Variants in C12orf56 observed in about 807,000 individuals in gnomAD.
The protein encoded by C12orf56 is uncharacterized protein C12orf56.
In C12orf56, 71 loss-of-function variants were observed where a neutral mutation model predicts 69.9. The observed-to-expected ratio is 1.02, with a 90% confidence interval of 0.84 to 1.24. The LOEUF (loss-of-function observed/expected upper bound fraction) is 1.24. Among genes scored for constraint, C12orf56 ranks in the 50% most tolerant of loss-of-function variants. The pLI, the probability that C12orf56 is intolerant of heterozygous loss-of-function variation, is 0.00. For missense variants in C12orf56, 732 were observed against 738.5 expected, an observed-to-expected ratio of 0.99 and a Z score of 0.10; for synonymous variants, 276 against 274.1, an observed-to-expected ratio of 1.01 and a Z score of -0.07.
chr12:64,306,085 T>G (rs570417619), intron 5 of C12orf56, among the ~76,000 whole-genome samples: 15 of 152,260 alleles, frequency 9.9e-5, no homozygotes, highest in Non-Finnish European at 1.8e-4. Flanking sequence ...CAAAAAAATT[T>G]TCACAGAAAA....
At chr12:64,382,783 G>C (rs1468399386) in intron 1 of C12orf56, among the ~76,000 whole-genome samples, 2 of 149,520 alleles carry the variant, frequency 1.3e-5, no homozygotes, top group Admixed American at 1.4e-4. Flanking sequence ...TGGGGCAGGC[G>C]AATGGTGTGA....
chr12:64,335,417 C>CAA (rs59759648), intron 2 of C12orf56, among the ~76,000 whole-genome samples: 6 of 98,298 alleles, frequency 6.1e-5, no homozygotes, highest in African/African-American at 2.0e-4. Context: ...ACTTCATCTC[C>CAA]AAAAAAAAAA....
intron 4 of C12orf56, among the ~76,000 whole-genome samples, chr12:64,317,329 G>A (rs2038701870): frequency 1.3e-5 from 2 of 152,056 alleles, no homozygotes; most frequent in South Asian, 4.2e-4. Flanking sequence ...TAAAAATTAT[G>A]TACTACTGAA....
intron 2 of C12orf56, among the ~76,000 whole-genome samples, chr12:64,351,888 T>C (rs942554860): frequency 6.8e-6 from 1 of 147,248 alleles, no homozygotes; most frequent in Admixed American, 6.8e-5. Context: ...AAAAGCCACT[T>C]TCTTTCCTCT....
chr12:64,344,567 T>A (rs577564705), intron 2 of C12orf56, among the ~76,000 whole-genome samples: 6 of 152,198 alleles, frequency 3.9e-5, no homozygotes, highest in Non-Finnish European at 8.8e-5. Context: ...GTGCTGCCAC[T>A]TGGCCACTGC....
chr12:64,335,417 CAAAAAAAAAAA>C (rs59759648), intron 2 of C12orf56, among the ~76,000 whole-genome samples: 1 of 98,308 alleles, frequency 1.0e-5, no homozygotes, highest in Non-Finnish European at 2.0e-5. Context: ...ACTTCATCTC[CAAAAAAAAAAA>C]AAAAAAAAAA....
At chr12:64,356,191 A>C (rs1008801833) in intron 1 of C12orf56, among the ~76,000 whole-genome samples, 3 of 151,852 alleles carry the variant, frequency 2.0e-5, no homozygotes, top group Admixed American at 1.3e-4. Flanking sequence ...AAAAAAAAAA[A>C]AAAAAAAACC....
chr12:64,315,968 T>A (rs1247207053), intron 4 of C12orf56, among the ~76,000 whole-genome samples: 1 of 151,326 alleles, frequency 6.6e-6, no homozygotes, highest in African/African-American at 2.4e-5. Context: ...ATTGAACTAG[T>A]AGCTTATTGT....
chr12:64,269,978 C>T (rs1042444123), intron 12 of C12orf56, among the ~76,000 whole-genome samples: 2 of 152,174 alleles, frequency 1.3e-5, no homozygotes, highest in African/African-American at 4.8e-5. Context: ...AGTGACAAAC[C>T]GTTCTTCAAA....
At chr12:64,280,452 G>A (rs1001189899) in intron 8 of C12orf56, among the ~76,000 whole-genome samples, 11 of 152,138 alleles carry the variant, frequency 7.2e-5, no homozygotes, top group African/African-American at 2.7e-4. Context: ...ATGTTATTGT[G>A]GTGGGCAGAA....
Position 64,267,109 on chromosome 12 carries a change from G to A in C12orf56, c.*74C>T. 1 of 1,128,080 alleles carries A rather than the reference G, an allele frequency of 8.9e-7. No individual in the cohort carries two copies. The allele number at this position is 1,128,080 out of a possible 1,614,324, so 69.9% of individuals were successfully genotyped here. ...CCAGATATTAAACAAATAAAAAAATGTTTCTCGTGAATATCAAGTTGACTC... is the reference window on the plus strand; with the variant it reads ...CCAGATATTAAACAAATAAAAAAATATTTCTCGTGAATATCAAGTTGACTC... On this transcript the variant is annotated 3_prime_UTR_variant, in exon 13 of 13. Coordinates refer to ENST00000543942, the MANE Select transcript of C12orf56 (RefSeq NM_001170633.2).
intron 4 of C12orf56, among the ~76,000 whole-genome samples, chr12:64,314,340 C>T (rs945786949): frequency 2.6e-5 from 4 of 152,184 alleles, no homozygotes; most frequent in African/African-American, 9.6e-5. Context: ...CGATCCTCCC[C>T]TCTGAACCTC....
intron 9 of C12orf56, among the ~76,000 whole-genome samples, 176 bp from the exon 10 acceptor site, chr12:64,275,548 A>G (rs2038040508): frequency 6.6e-6 from 1 of 152,164 alleles, no homozygotes; most frequent in African/African-American, 2.4e-5. Flanking sequence ...TGCAGCCTCA[A>G]ACTCCTGGGC....
intron 1 of C12orf56, among the ~76,000 whole-genome samples, chr12:64,369,534 T>C (rs73311902): frequency 0.18 from 27,185 of 152,148 alleles, 3,003 homozygotes; most frequent in East Asian, 0.36. Context: ...CTTTTTATCT[T>C]CTATCTAATT....
chr12:64,278,152 A>G (rs1461131259), intron 8 of C12orf56, among the ~76,000 whole-genome samples: 3 of 152,324 alleles, frequency 2.0e-5, no homozygotes, highest in Admixed American at 6.5e-5. Flanking sequence ...ACAATATTAT[A>G]GTTAAAATAG....
intron 2 of C12orf56, among the ~76,000 whole-genome samples, chr12:64,341,124 G>C (rs1477280754): frequency 6.6e-6 from 1 of 152,178 alleles, no homozygotes; most frequent in Non-Finnish European, 1.5e-5. Flanking sequence ...AGCCCAATGT[G>C]TCCAGGTGGA....
At chr12:64,361,689 C>T (rs928254097) in intron 1 of C12orf56, among the ~76,000 whole-genome samples, 1 of 151,850 alleles carries the variant, frequency 6.6e-6, no homozygotes, top group Admixed American at 6.6e-5. Flanking sequence ...CAATCAGCAG[C>T]CTTTGGGGTT....
intron 6 of C12orf56, 44 bp downstream of exon 6, chr12:64,303,591 G>A: frequency 7.1e-7 from 1 of 1,405,814 alleles, no homozygotes; most frequent in Non-Finnish European, 9.5e-7. Flanking sequence ...TTGGTAAACA[G>A]GAAACACAAA....
intron 8 of C12orf56, among the ~76,000 whole-genome samples, chr12:64,284,049 C>G (rs553769641): frequency 6.6e-6 from 1 of 152,076 alleles, no homozygotes; most frequent in Admixed American, 6.6e-5. Context: ...AAGTGCGCAC[C>G]ACCATGCCTG....
Sources: gnomAD v4.1 joint callset for allele counts (sites outside exome capture counted in the v4.1 genomes callset) on GRCh38, gnomAD v4.1.1 for gene constraint, MANE v1.5 for transcripts, NCBI Gene and HGNC (gene_info 2026-07-23, HGNC 2026-07-21) for gene names.